Variants in FGF12 observed in about 807,000 individuals in gnomAD.
FGF12 encodes the protein fibroblast growth factor 12B.
In FGF12, 14 loss-of-function variants were observed where a neutral mutation model predicts 23.6. The observed-to-expected ratio is 0.59, with a 90% CI of 0.39 to 0.93. The LOEUF is 0.93. Ranked by LOEUF, FGF12 falls within the 40% of genes least tolerant of loss-of-function variation. The probability of loss-of-function intolerance (pLI) is 0.00; values close to 1 mark genes in which losing one functional copy is unlikely to be tolerated. For synonymous variants in FGF12, 62 were observed against 77.3 expected (o/e 0.80, Z 1.04); for missense variants, 175 against 217.8 (o/e 0.80, Z 1.24).
rs565379191 is a variant in FGF12, at chr3:192,276,722, C to T, written c.228+58639G>A. Among the ~76,000 whole-genome samples the T allele has an allele frequency of 2.0e-5, 3 of 152,222 alleles. No homozygotes were observed. The South Asian group carries it at 6.2e-4, about 32-fold the overall frequency. On this transcript the variant is annotated intron_variant, in intron 4 of 5. Coordinates refer to ENST00000445105, the MANE Select transcript of FGF12 (RefSeq NM_004113.6). The stretch of plus-strand genomic sequence containing the variant: ...CCCTGAAGCCAGCCAAAAACCTTAA[C>T]ATATTACTCTAACTTGCCCCCTCTA...
At chr3:192,562,527 G>T (rs1292002342) in intron 2 of FGF12, among the ~76,000 whole-genome samples, 3 of 152,000 alleles carry the variant, frequency 2.0e-5, no homozygotes, top group African/African-American at 7.2e-5. Flanking sequence ...CAATGAAGTA[G>T]AATTGTACTA....
chr3:192,422,037 A>ATTTT (rs11432834), intron 2 of FGF12, among the ~76,000 whole-genome samples: 1 of 150,304 alleles, frequency 6.7e-6, no homozygotes, highest in African/African-American at 2.4e-5. Flanking sequence ...GCTTTAGTTT[A>ATTTT]TTTTTTTTTG....
rs1050584502 is a variant in FGF12 at position 192,384,872 on chromosome 3, G to T, written c.14-24334C>A. Among the ~76,000 whole-genome samples, 3 of 152,076 alleles carry T rather than the reference G, an allele frequency of 2.0e-5. No homozygotes were observed. In the South Asian group the frequency reaches 6.2e-4, roughly 31 times the overall value. ...CTCTGTATTCCTTAGGTAGAGAGAG[G>T]GTGAAAAGTGACTGTTATGAGGGTC... On this transcript the variant is annotated intron_variant, in intron 2 of 5. Transcript: ENST00000445105.
chr3:192,673,568 G>T (rs891965884), intron 2 of FGF12, among the ~76,000 whole-genome samples: 7 of 150,650 alleles, frequency 4.6e-5, no homozygotes, highest in African/African-American at 1.7e-4. Context: ...GCTCCAGTGT[G>T]TGTTGCTCCC....
intron 2 of FGF12, among the ~76,000 whole-genome samples, chr3:192,429,804 C>T (rs1016174201): frequency 6.6e-6 from 1 of 151,294 alleles, no homozygotes; most frequent in Non-Finnish European, 1.5e-5. Context: ...AAAAAAAATG[C>T]AGCTGGTGTA....
intron 2 of FGF12, among the ~76,000 whole-genome samples, chr3:192,688,318 T>C (rs747246792): frequency 2.0e-5 from 3 of 152,040 alleles, no homozygotes; most frequent in Non-Finnish European, 2.9e-5. Context: ...CTACACCTGG[T>C]GCCATGGCAC....
chr3:192,645,842 A>G (rs1715987222), intron 2 of FGF12, among the ~76,000 whole-genome samples: 1 of 151,448 alleles, frequency 6.6e-6, no homozygotes, highest in Non-Finnish European at 1.5e-5. Context: ...TACACTTTAG[A>G]GCATACAAGC....
intron 2 of FGF12, among the ~76,000 whole-genome samples, chr3:192,545,207 A>T (rs1725465800): frequency 6.6e-6 from 1 of 152,160 alleles, no homozygotes; most frequent in Non-Finnish European, 1.5e-5. Flanking sequence ...TGTAGGTACC[A>T]ACCGAACACT....
intron 2 of FGF12, among the ~76,000 whole-genome samples, chr3:192,378,694 AGAATCAAAAGCACTTTTTTTT>A (rs1719680166): frequency 1.3e-5 from 2 of 151,888 alleles, no homozygotes; most frequent in African/African-American, 4.8e-5. Context: ...CCAAACTCCA[AGAATCAAAAGCACTTTTTTTT>A]AGGGTCCGGG....
At chr3:192,335,577 T>A (rs1435698313) in intron 3 of FGF12, 113 bp from the exon 4 acceptor site, 1 of 696,228 alleles carries the variant, frequency 1.4e-6, no homozygotes, top group Non-Finnish European at 2.5e-6. Flanking sequence ...GGTAGAAAAA[T>A]GGAGAGAGAA....
At chr3:192,658,444 A>G (rs1041635951) in intron 2 of FGF12, among the ~76,000 whole-genome samples, 2 of 152,204 alleles carry the variant, frequency 1.3e-5, no homozygotes, top group Admixed American at 1.3e-4. Context: ...TACTTCTGCC[A>G]TGACTTTCTG....
intron 2 of FGF12, among the ~76,000 whole-genome samples, chr3:192,548,684 ATGCCACCATTGTGT>A (rs1180679518): frequency 6.6e-6 from 1 of 152,144 alleles, no homozygotes; most frequent in Non-Finnish European, 1.5e-5. Flanking sequence ...TTCTCTAATA[ATGCCACCATTGTGT>A]TTCAGAGCAG....
At chr3:192,627,070 G>C (rs898280845) in intron 2 of FGF12, among the ~76,000 whole-genome samples, 4 of 152,078 alleles carry the variant, frequency 2.6e-5, no homozygotes, top group Admixed American at 6.6e-5. Context: ...GCTTGGAAGA[G>C]CTATAATCAT....
At chr3:192,289,947 T>C (rs1017695833) in intron 4 of FGF12, among the ~76,000 whole-genome samples, 17 of 152,172 alleles carry the variant, frequency 1.1e-4, no homozygotes, top group African/African-American at 2.7e-4. Context: ...CTTTCTCTTA[T>C]GGATGAGAAA....
At chr3:192,566,709 C>G (rs78116944) in intron 2 of FGF12, among the ~76,000 whole-genome samples, 1,921 of 152,232 alleles carry the variant, frequency 0.013, 36 homozygotes, top group African/African-American at 0.043. Context: ...CCTAGTTTCC[C>G]TCAAACAAGA....
At chr3:192,498,743 T>C (rs1048326807) in intron 2 of FGF12, among the ~76,000 whole-genome samples, 1 of 152,174 alleles carries the variant, frequency 6.6e-6, no homozygotes, top group African/African-American at 2.4e-5. Context: ...GATGTTGGAG[T>C]CCATTACCAC....
chr3:192,312,059 G>C (rs1715977417), intron 4 of FGF12, among the ~76,000 whole-genome samples: 1 of 151,738 alleles, frequency 6.6e-6, no homozygotes, highest in Admixed American at 6.6e-5. Context: ...ATATATTCTA[G>C]ATACAAATTT....
chr3:192,388,856 A>G (rs1379057589), intron 2 of FGF12, among the ~76,000 whole-genome samples: 1 of 152,060 alleles, frequency 6.6e-6, no homozygotes, highest in Non-Finnish European at 1.5e-5. Flanking sequence ...AAGAAGAATA[A>G]CAAAATAAGC....
chr3:192,644,148 G>A (rs186254302), intron 2 of FGF12, among the ~76,000 whole-genome samples: 1 of 152,242 alleles, frequency 6.6e-6, no homozygotes, highest in Non-Finnish European at 1.5e-5. Context: ...ATTTTTTTTA[G>A]TTGGTGATGT....
Sources: gnomAD v4.1 joint callset for allele counts (sites outside exome capture counted in the v4.1 genomes callset) on GRCh38, gnomAD v4.1.1 for gene constraint, MANE v1.5 for transcripts, NCBI Gene and HGNC (gene_info 2026-07-23, HGNC 2026-07-21) for gene names.